The following AGTPBP1 variants were observed in gnomAD, a reference collection of about 807,000 sequenced individuals.
The protein encoded by AGTPBP1 is cytosolic carboxypeptidase 1.
A neutral mutation model predicts 143.9 loss-of-function variants in AGTPBP1; 70 were observed. The ratio of observed to expected loss-of-function variants is 0.49; its 90% CI spans 0.40 to 0.59. The LOEUF is 0.59. AGTPBP1 is among the 20% of genes least tolerant of loss of function. The probability of loss-of-function intolerance (pLI) is 0.00; values close to 1 mark genes in which losing one functional copy is unlikely to be tolerated. For missense variants in AGTPBP1, 1,229 were observed against 1,464.5 expected (o/e 0.84, Z 2.62); for synonymous variants, 463 against 500.2 (o/e 0.93, Z 0.99).
the AGTPBP1 span, chr9:85,791,403 G>A: frequency 1.3e-5 from 2 of 151,604 alleles, no homozygotes; most frequent in Admixed American, 6.6e-5. Context: ...TATGTGGTCT[G>A]AAGTGTCATA....
the AGTPBP1 span, among the ~76,000 whole-genome samples, chr9:85,790,715 T>C: frequency 1.3e-5 from 2 of 152,290 alleles, no homozygotes; most frequent in South Asian, 4.1e-4. Flanking sequence ...AACCCAAATA[T>C]ATTGAATAAG....
chr9:85,704,236 C>T (rs1836844045), intron 2 of AGTPBP1, among the ~76,000 whole-genome samples: 2 of 152,100 alleles, frequency 1.3e-5, no homozygotes, highest in African/African-American at 2.4e-5. Context: ...CCAGGGAAAC[C>T]ATCGTGGCTA....
chr9:85,554,751 C>CA (rs1826231031), intron 25 of AGTPBP1, among the ~76,000 whole-genome samples: 1 of 152,046 alleles, frequency 6.6e-6, no homozygotes, highest in East Asian at 1.9e-4. Flanking sequence ...AAAAATATTC[C>CA]AACAGAAACA....
the AGTPBP1 span, among the ~76,000 whole-genome samples, chr9:85,766,937 T>C: frequency 4.2e-4 from 64 of 151,946 alleles, no homozygotes; most frequent in Non-Finnish European, 6.6e-4. Context: ...TTTAAGGAAA[T>C]GGATAGAAAG....
chr9:85,742,167 G>C (rs1024429872), upstream of AGTPBP1: 4 of 509,044 alleles, frequency 7.9e-6, no homozygotes, highest in African/African-American at 4.1e-5. Flanking sequence ...CGCGCGCGTG[G>C]GGGCGGAGCG....
chr9:85,724,200 T>A (rs1838316501), intron 1 of AGTPBP1, among the ~76,000 whole-genome samples: 1 of 147,766 alleles, frequency 6.8e-6, no homozygotes, highest in Non-Finnish European at 1.5e-5. Flanking sequence ...GGCAGAAGAA[T>A]CACTTGAACC....
the AGTPBP1 span, chr9:85,756,062 A>G: frequency 2.7e-6 from 4 of 1,502,604 alleles, no homozygotes; most frequent in Non-Finnish European, 3.6e-6. Flanking sequence ...TTTTTTTTTA[A>G]TTTTAATGTA....
At chr9:85,558,459 T>G (rs1564007925) in intron 25 of AGTPBP1, among the ~76,000 whole-genome samples, 1 of 152,210 alleles carries the variant, frequency 6.6e-6, no homozygotes, top group African/African-American at 2.4e-5. Flanking sequence ...TGCTTTAAAA[T>G]GGTTAATTTT....
intron 23 of AGTPBP1, among the ~76,000 whole-genome samples, chr9:85,581,697 C>G (rs1311620790): frequency 1.3e-5 from 2 of 152,108 alleles, no homozygotes; most frequent in Non-Finnish European, 2.9e-5. Context: ...CCTTAAAAAC[C>G]TAATAGTTTT....
chr9:85,772,226 G>C, the AGTPBP1 span, among the ~76,000 whole-genome samples: 7,896 of 151,820 alleles, frequency 0.052, 708 homozygotes, highest in African/African-American at 0.18. Context: ...CTCCCGCCTC[G>C]GCCTCCCAAA....
intron 8 of AGTPBP1, among the ~76,000 whole-genome samples, chr9:85,665,004 A>G (rs1834049054): frequency 6.6e-6 from 1 of 152,198 alleles, no homozygotes; most frequent in Non-Finnish European, 1.5e-5. Flanking sequence ...CACAGCTAAC[A>G]CAGAACACAC....
intron 13 of AGTPBP1, among the ~76,000 whole-genome samples, chr9:85,641,150 A>G (rs926635662): frequency 3.9e-5 from 6 of 152,164 alleles, no homozygotes; most frequent in Non-Finnish European, 7.3e-5. Context: ...TCAGGCATCC[A>G]CTGGGGGTCT....
At position 85,579,011 on chromosome 9, in the gene AGTPBP1, G is replaced by A. The variant is rs2133090832; in HGVS notation, c.3251C>T (p.Thr1084Ile). 6.2e-7 allele frequency: 1 copy of A among 1,611,944 alleles called. No individual in the cohort carries two copies. Among genetic ancestry groups the A allele is most frequent in the Non-Finnish European group, 8.5e-7 (1 of 1,179,302 alleles). The part of the protein sequence containing the change: ...SFVVEKSKES[T>I]ARVVVWREIG... Reference sequence around the variant, plus strand: ...TTCCCTCCAAACTACAACACGTGCTGTGGATTCTTTAGATTTTTCCACTAC... The same window carrying A: ...TTCCCTCCAAACTACAACACGTGCTATGGATTCTTTAGATTTTTCCACTAC... Residue 1084 changes from threonine (T) to isoleucine (I), a missense_variant, in exon 24 of 26, where the codon ACA (threonine) becomes ATA (isoleucine). Physicochemically the swap from Thr to Ile is moderately conservative, Grantham distance 89. Around this residue, in one of 2 missense-constraint regions of AGTPBP1, gnomAD observed 486 missense variants for 652.3 expected, o/e 0.75. Transcript: ENST00000357081.
intron 17 of AGTPBP1, among the ~76,000 whole-genome samples, chr9:85,602,801 C>T (rs1456544316): frequency 6.6e-6 from 1 of 152,186 alleles, no homozygotes; most frequent in East Asian, 1.9e-4. Flanking sequence ...ACACCACTCC[C>T]GCAGTCCAGC....
chr9:85,779,745 A>G, the AGTPBP1 span, among the ~76,000 whole-genome samples: 1 of 152,184 alleles, frequency 6.6e-6, no homozygotes, highest in Non-Finnish European at 1.5e-5. Flanking sequence ...CTGTGGTCCC[A>G]GCTACCCTGG....
chr9:85,750,881 C>A, the AGTPBP1 span, among the ~76,000 whole-genome samples: 1 of 152,188 alleles, frequency 6.6e-6, no homozygotes, highest in East Asian at 1.9e-4. Flanking sequence ...AGCTTGCTAG[C>A]CCAGTGGCCT....
At chr9:85,765,307 G>T in the AGTPBP1 span, among the ~76,000 whole-genome samples, 1 of 152,096 alleles carries the variant, frequency 6.6e-6, no homozygotes, top group East Asian at 1.9e-4. Flanking sequence ...AGGATACTAG[G>T]TAATTTATTA....
chr9:85,761,496 C>T, the AGTPBP1 span, among the ~76,000 whole-genome samples: 3 of 152,272 alleles, frequency 2.0e-5, no homozygotes, highest in South Asian at 6.2e-4. Context: ...TGATCTTTGA[C>T]AAACCTGACA....
At chr9:85,771,985 CTT>C in the AGTPBP1 span, among the ~76,000 whole-genome samples, 8 of 132,268 alleles carry the variant, frequency 6.0e-5, no homozygotes, top group Admixed American at 1.5e-4. Flanking sequence ...TTATGCTGTT[CTT>C]TTTTTTTTTT....
Sources: gnomAD v4.1 joint callset for allele counts (sites outside exome capture counted in the v4.1 genomes callset) on GRCh38, gnomAD v4.1.1 for gene constraint, gnomAD v4.1.1 regional missense constraint, MANE v1.5 for transcripts, NCBI Gene and HGNC (gene_info 2026-07-23, HGNC 2026-07-21) for gene names.